CHD4: variants seen among roughly 807,000 people sequenced by gnomAD.
CHD4 encodes ATP-dependent chromatin remodeler CHD4.
A neutral mutation model predicts 235.5 loss-of-function variants in CHD4; 35 were observed. The ratio of observed to expected loss-of-function variants is 0.15; its 90% CI spans 0.11 to 0.20. The LOEUF (loss-of-function observed/expected upper bound fraction) is 0.20, where lower values mean the gene tolerates loss of function less well. Ranked by LOEUF, CHD4 falls within the 10% of genes least tolerant of loss-of-function variation. The pLI is 1.00. For synonymous variants in CHD4, 900 were observed against 850.2 expected (o/e 1.06, Z -1.02); for missense variants, 1,329 against 2,432.3 (o/e 0.55, Z 9.54).
chr12:6,592,857 C>G, intron 17 of CHD4, 40 bp from the exon 18 acceptor site: 1 of 1,595,052 alleles, frequency 6.3e-7, no homozygotes, highest in Non-Finnish European at 8.5e-7. Context: ...CCAATGAAAA[C>G]AGAGCTCTAG....
intron 37 of CHD4, 28 bp from the exon 38 acceptor site, chr12:6,573,297 G>A: frequency 2.0e-6 from 3 of 1,505,020 alleles, no homozygotes; most frequent in Non-Finnish European, 2.6e-6. Flanking sequence ...GGAAACGGGA[G>A]TTCGACTGAT....
Position 6,595,433 on chromosome 12 carries a change from A to G in CHD4, c.2025-3T>C, listed in dbSNP as rs370071477. ...CTTCCTCACCCCTCATTAACTCCCTAAAGAAGAAAGACATCACACAGCTGC... is the reference window on the plus strand; with the variant it reads ...CTTCCTCACCCCTCATTAACTCCCTGAAGAAGAAAGACATCACACAGCTGC... On this transcript the variant is annotated splice_region_variant and splice_polypyrimidine_tract_variant and intron_variant, in intron 13 of 39. Transcript: ENST00000544040. 7.4e-5 allele frequency: 120 copies of G among 1,612,886 alleles called. No homozygotes were observed. Among genetic ancestry groups the G allele is most frequent in the Admixed American group, 1.8e-4 (11 of 59,930 alleles).
chr12:6,587,042 G>C (rs948012621), intron 25 of CHD4: 8 of 214,838 alleles, frequency 3.7e-5, no homozygotes, highest in Non-Finnish European at 6.5e-5. Flanking sequence ...CAAAGAGATA[G>C]ATTACCTAGG....
Position 6,593,770 on chromosome 12 carries a change from G to A in CHD4, c.2314-154C>T, listed in dbSNP as rs938339893. Among the ~76,000 whole-genome samples the A allele has an allele frequency of 1.3e-5, 2 of 152,098 alleles. No homozygotes were observed. Among genetic ancestry groups the A allele is most frequent in the Non-Finnish European group, 2.9e-5 (2 of 68,028 alleles). On this transcript the variant is annotated intron_variant, in intron 15 of 39. Coordinates refer to ENST00000544040, the MANE Select transcript of CHD4 (RefSeq NM_001273.5). The surrounding 1 kb of genome is among the most constrained non-coding windows in gnomAD (Gnocchi z 4.9). ...TCACCTTCCTCTATACAAGTGCCCA[G>A]CCCACTCCTTTCCAAAAACCCAAGG...
chr12:6,580,798 G>A (rs1013084019), intron 33 of CHD4: 4 of 470,126 alleles, frequency 8.5e-6, no homozygotes, highest in African/African-American at 6.0e-5. Context: ...CATGAGGTCA[G>A]GAGATTTAGA....
chr12:6,595,359 C>G lies in CHD4; in HGVS notation c.2096G>C (p.Arg699Thr). 6.2e-7 allele frequency: 1 copy of G among 1,614,080 alleles called. No individual in the cohort carries two copies. The highest frequency in any genetic ancestry group is 1.3e-5 in the African/African-American group (1 of 75,022). Residue 699 changes from arginine (R) to threonine (T), a missense_variant, in exon 14 of 40, where the codon AGG (arginine) becomes ACG (threonine). Physicochemically the swap from Arg to Thr is moderately conservative, Grantham distance 71. Coordinates refer to ENST00000544040, the MANE Select transcript of CHD4 (RefSeq NM_001273.5). The part of the protein sequence containing the change: ...LKKVKLRKLE[R>T]PPETPTVDPT... ...ATCAACTGTTGGCGTTTCTGGAGGC[C>G]TCTCCAACTTCCGAAGCTTCACCTT...
chr12:6,594,326 T>G, intron 15 of CHD4, 133 bp downstream of exon 15: 1 of 699,022 alleles, frequency 1.4e-6, no homozygotes, highest in South Asian at 1.9e-5. Flanking sequence ...GTACATGTGT[T>G]TATCTATTAT....
intron 1 of CHD4, 83 bp from the exon 2 acceptor site, chr12:6,606,534 C>A (rs1245853885): frequency 1.2e-5 from 6 of 509,232 alleles, no homozygotes; most frequent in Non-Finnish European, 2.1e-5. Context: ...CTCTTTCCGC[C>A]CCCCACCCCA....
Position 6,583,366 on chromosome 12 carries a change from C to A in CHD4, c.3892G>T (p.Val1298Leu). 6.2e-7 allele frequency: 1 copy of A among 1,608,858 alleles called. No homozygotes were observed. Among genetic ancestry groups the A allele is most frequent in the Non-Finnish European group, 8.5e-7 (1 of 1,176,744 alleles). ...REEEMGEEEE[V>L]EREIIKQEES... The stretch of plus-strand genomic sequence containing the variant: ...TCCTGTTTAATGATTTCCCGTTCTA[C>A]CTCCTCTTCCTCCTGGGACAGAGGG... The change falls in exon 26 of 40, where the codon GTA becomes TTA. Residue 1298 changes from valine to leucine, a missense_variant. Coordinates refer to ENST00000544040, the MANE Select transcript of CHD4 (RefSeq NM_001273.5).
rs1402842435 is a variant in CHD4, at chr12:6,587,845, C to T, written c.3570G>A (p.Lys1190=). Residue 1190 remains lysine (K), a synonymous_variant, in exon 24 of 40, where the codon AAG becomes AAA. Transcript: ENST00000544040. ...CCACTAGATGCGTCAGCATCATTTTCTTCTTTGCCACCTGCGTGATGCGCT... is the reference window on the plus strand; with the variant it reads ...CCACTAGATGCGTCAGCATCATTTTTTTCTTTGCCACCTGCGTGATGCGCT... ...VEERITQVAK[K]KMMLTHLVVR... is the part of the protein sequence containing the mutation. 6.2e-7 allele frequency: 1 copy of T among 1,614,132 alleles called. No homozygotes were observed. The highest frequency in any genetic ancestry group is 2.2e-5 in the East Asian group (1 of 44,902).
At chr12:6,592,353 G>A (rs1318056519) in intron 19 of CHD4, 40 bp downstream of exon 19, 1 of 1,542,396 alleles carries the variant, frequency 6.5e-7, no homozygotes, top group Non-Finnish European at 8.7e-7. Flanking sequence ...CAGACTGGCA[G>A]ATGTCTAAAT....
intron 10 of CHD4, among the ~76,000 whole-genome samples, chr12:6,598,672 G>A (rs1231789093): frequency 6.6e-6 from 1 of 152,168 alleles, no homozygotes; most frequent in Non-Finnish European, 1.5e-5. Flanking sequence ...AGCTGGGCGT[G>A]GTGGCATGCG....
intron 22 of CHD4, 30 bp from the exon 23 acceptor site, chr12:6,588,452 A>T (rs926110025): frequency 6.2e-7 from 1 of 1,609,186 alleles, no homozygotes; most frequent in African/African-American, 1.3e-5. Context: ...CACCATTAGA[A>T]GTGTCTCCTA....
At position 6,594,552 on chromosome 12, in the gene CHD4, G is replaced by A. The variant is rs987834984; in HGVS notation, c.2220C>T (p.Ser740=). 11 of 1,614,172 alleles carry A rather than the reference G, an allele frequency of 6.8e-6. No homozygotes were observed. The highest frequency in any genetic ancestry group is 9.3e-6 in the Non-Finnish European group (11 of 1,180,032). ...QMEGLNWLRF[S]WAQGTDTILA... ...AGATGGTGTCAGTGCCCTGAGCCCAGGAGAAGCGCAACCAATTCAGGCCCT... is the reference window on the plus strand; with the variant it reads ...AGATGGTGTCAGTGCCCTGAGCCCAAGAGAAGCGCAACCAATTCAGGCCCT... Residue 740 remains serine (S), a synonymous_variant, in exon 15 of 40, where the codon TCC becomes TCT. Transcript: ENST00000544040.
intron 10 of CHD4, among the ~76,000 whole-genome samples, chr12:6,599,094 G>A (rs147729068): frequency 5.4e-4 from 82 of 152,292 alleles, no homozygotes; most frequent in Admixed American, 1.3e-3. Flanking sequence ...TTAGAGCACA[G>A]AATTCCTCCC....
rs201011723 is a variant in CHD4, at chr12:6,577,920, A to G, written c.5229-3T>C. The G allele has an allele frequency of 1.3e-4, 202 of 1,614,008 alleles. No homozygotes were observed. The African/African-American group carries it at 2.6e-3, about 21-fold the overall frequency. ...CTTGCCACCGGGCATAGCCATGGCT[A>G]TTGGAAAAGTGCTCAGGAAAAACAA... On this transcript the variant is annotated splice_region_variant and splice_polypyrimidine_tract_variant and intron_variant, in intron 36 of 39. Transcript: ENST00000544040.
At chr12:6,587,348 T>C in intron 25 of CHD4, 36 bp downstream of exon 25, 1 of 1,593,844 alleles carries the variant, frequency 6.3e-7, no homozygotes, top group African/African-American at 1.3e-5. Flanking sequence ...TTCAGACCAA[T>C]TACCAAGCAC....
chr12:6,578,426 G>A lies in CHD4; in HGVS notation c.5102C>T (p.Ala1701Val). Residue 1701 changes from alanine (A) to valine (V), a missense_variant, in exon 35 of 40, where the codon GCA (alanine) becomes GTA (valine). By Grantham distance (64) the Ala-to-Val change is moderately conservative. Coordinates refer to ENST00000544040, the MANE Select transcript of CHD4 (RefSeq NM_001273.5). ...TTCCATACCAGTAAAACCACCATCT[G>A]CAATGTTAAACATGAAACGTTGTTT... ...NIKQRFMFNIADGGFTELHSL... is the reference protein window; with the variant it reads ...NIKQRFMFNIVDGGFTELHSL... The A allele has an allele frequency of 6.2e-7, 1 of 1,613,786 alleles. No individual in the cohort carries two copies. The highest frequency in any genetic ancestry group is 8.5e-7 in the Non-Finnish European group (1 of 1,179,966).
At chr12:6,606,526 C>T (rs1175517569) in intron 1 of CHD4, 75 bp from the exon 2 acceptor site, 17 of 511,260 alleles carry the variant, frequency 3.3e-5, no homozygotes, top group African/African-American at 1.8e-4. Context: ...CCCACCCGCT[C>T]TTTCCGCCCC....
Sources: allele counts gnomAD v4.1 joint callset (sites outside exome capture counted in the v4.1 genomes callset), GRCh38; gene constraint gnomAD v4.1.1; non-coding constraint Gnocchi (gnomAD v3.1); transcripts MANE v1.5; gene names NCBI Gene and HGNC (gene_info 2026-07-23, HGNC 2026-07-21).